TRIT1: variants seen among roughly 807,000 people sequenced by gnomAD.
TRIT1 encodes the protein tRNA isopentenyltransferase 1, also known as tRNA dimethylallyltransferase.
TRIT1 carries 43 observed loss-of-function variants against 51.2 expected under a neutral mutation model. That is an observed-to-expected ratio of 0.84 (90% CI 0.66 to 1.08). TRIT1 has a LOEUF of 1.08. Among genes scored for constraint, TRIT1 ranks in the 50% least tolerant of loss-of-function variants. The pLI is 0.00. For missense variants in TRIT1, 528 were observed against 578.4 expected (o/e 0.91, Z 0.89); for synonymous variants, 184 against 203.9 (o/e 0.90, Z 0.83).
intron 10 of TRIT1, among the ~76,000 whole-genome samples, chr1:39,843,607 C>T (rs182022601): frequency 3.6e-4 from 55 of 152,238 alleles, no homozygotes; most frequent in Non-Finnish European, 7.1e-4. Context: ...TACCACTATG[C>T]CAACAATTAC....
intron 8 of TRIT1, 168 bp downstream of exon 8, chr1:39,847,052 C>A (rs562471570): frequency 3.7e-6 from 2 of 547,244 alleles, no homozygotes; most frequent in South Asian, 6.2e-5. Context: ...TTTGTGACAT[C>A]CCAAGAAAAT....
At chr1:39,872,851 G>A (rs1178356464) in intron 1 of TRIT1, among the ~76,000 whole-genome samples, 1 of 150,474 alleles carries the variant, frequency 6.6e-6, no homozygotes, top group Admixed American at 6.7e-5. Context: ...AAGAAGTGAG[G>A]GAGGGGAAGG....
In TRIT1 at chr1:39,844,595, TC is replaced by T; in HGVS notation, c.1051del (p.Asp351MetfsTer31). 6.2e-7 allele frequency: 1 copy of T among 1,613,990 alleles called. No homozygotes were observed. The highest frequency in any genetic ancestry group is 8.5e-7 in the Non-Finnish European group (1 of 1,179,958). The stretch of plus-strand genomic sequence containing the variant: ...AACAGACTCTTCCCACTTCGAGACA[TC>T]AGATACCTCTAAGCCATAGACAGGG... ...VPPVYGLEVS[D>X]VSKWEESVLE... On this transcript the variant is annotated frameshift_variant, in exon 9 of 11. Coordinates refer to ENST00000316891, the MANE Select transcript of TRIT1 (RefSeq NM_017646.6). LOFTEE classifies it high-confidence loss of function.
intron 4 of TRIT1, among the ~76,000 whole-genome samples, chr1:39,851,701 G>C (rs189984306): frequency 2.6e-5 from 4 of 151,990 alleles, no homozygotes; most frequent in Non-Finnish European, 5.9e-5. Flanking sequence ...CCAGCACTTC[G>C]GTAGGCTGAG....
At chr1:39,878,235 G>C (rs919493926) in intron 1 of TRIT1, among the ~76,000 whole-genome samples, 1 of 152,228 alleles carries the variant, frequency 6.6e-6, no homozygotes, top group Non-Finnish European at 1.5e-5. Context: ...TCAGATGCTA[G>C]ATGGCTACAG....
At chr1:39,879,834 T>C (rs2124691966) in intron 1 of TRIT1, among the ~76,000 whole-genome samples, 1 of 131,866 alleles carries the variant, frequency 7.6e-6, no homozygotes, top group East Asian at 2.2e-4. Context: ...ATGGTGTCAT[T>C]GCACTCCAGC....
At chr1:39,870,545 C>T (rs1161310848) in intron 1 of TRIT1, among the ~76,000 whole-genome samples, 1 of 126,474 alleles carries the variant, frequency 7.9e-6, no homozygotes, top group East Asian at 2.4e-4. Flanking sequence ...AGAAGCTCAA[C>T]ATCATTGGTC....
intron 8 of TRIT1, 23 bp from the exon 9 acceptor site, chr1:39,844,663 G>T: frequency 6.4e-7 from 1 of 1,564,934 alleles, no homozygotes; most frequent in Non-Finnish European, 8.8e-7. Context: ...AAGAAAGGTT[G>T]TGAGAGGTCA....
At chr1:39,877,471 T>G (rs1644108455) in intron 1 of TRIT1, among the ~76,000 whole-genome samples, 1 of 152,118 alleles carries the variant, frequency 6.6e-6, no homozygotes, top group African/African-American at 2.4e-5. Flanking sequence ...CAAAAGGAAC[T>G]GTGCTCCTAT....
intron 6 of TRIT1, 46 bp downstream of exon 6, chr1:39,847,940 T>C (rs757577525): frequency 6.4e-7 from 1 of 1,557,688 alleles, no homozygotes; most frequent in South Asian, 1.1e-5. Context: ...CTTTTGATTG[T>C]CTGCAAAATA....
chr1:39,861,673 C>T (rs1643253571), intron 1 of TRIT1, among the ~76,000 whole-genome samples: 1 of 152,022 alleles, frequency 6.6e-6, no homozygotes, highest in Non-Finnish European at 1.5e-5. Flanking sequence ...CCTATAATCC[C>T]AGCACTTTGG....
intron 1 of TRIT1, among the ~76,000 whole-genome samples, chr1:39,879,366 G>A (rs2124690357): frequency 6.6e-6 from 1 of 152,178 alleles, no homozygotes; most frequent in East Asian, 1.9e-4. Flanking sequence ...CACTGGGGAT[G>A]GAAAGCAGAC....
chr1:39,844,280 T>A, intron 9 of TRIT1, 62 bp from the exon 10 acceptor site: 1 of 1,372,930 alleles, frequency 7.3e-7, no homozygotes, highest in Non-Finnish European at 1.0e-6. Context: ...AATTCTCTAT[T>A]AAGGGAAATG....
intron 1 of TRIT1, 28 bp from the exon 2 acceptor site, chr1:39,857,445 A>C (rs892652096): frequency 6.2e-6 from 10 of 1,605,084 alleles, no homozygotes; most frequent in Admixed American, 1.7e-5. Context: ...AACATGAGAA[A>C]GTCAACCACC....
intron 1 of TRIT1, among the ~76,000 whole-genome samples, chr1:39,859,291 A>ACC (rs1557555964): frequency 7.5e-6 from 1 of 133,092 alleles, no homozygotes; most frequent in African/African-American, 3.0e-5. Flanking sequence ...AAAAAAAAAA[A>ACC]AAAAACGAAA....
chr1:39,883,142 A>C (rs1464007693), intron 1 of TRIT1, among the ~76,000 whole-genome samples, 176 bp downstream of exon 1: 1 of 152,190 alleles, frequency 6.6e-6, no homozygotes, highest in Non-Finnish European at 1.5e-5. Flanking sequence ...GACGATGATA[A>C]GGGAAACATC....
intron 1 of TRIT1, chr1:39,862,658 T>C (rs1643319002): frequency 2.2e-6 from 1 of 457,932 alleles, no homozygotes; most frequent in African/African-American, 2.1e-5. Context: ...ATCAATTTTG[T>C]AAGTATCACA....
At chr1:39,860,155 T>C (rs1445943319) in intron 1 of TRIT1, among the ~76,000 whole-genome samples, 1 of 152,210 alleles carries the variant, frequency 6.6e-6, no homozygotes, top group Non-Finnish European at 1.5e-5. Flanking sequence ...AGAGTATTAA[T>C]GGTTTAAAGA....
chr1:39,852,420 C>A, intron 4 of TRIT1: 1 of 248,720 alleles, frequency 4.0e-6, no homozygotes, highest in Non-Finnish European at 7.6e-6. Context: ...AAACTGCATG[C>A]CAGAAAAAAT....
Sources: gnomAD v4.1 joint callset for allele counts (sites outside exome capture counted in the v4.1 genomes callset) on GRCh38, gnomAD v4.1.1 for gene constraint, MANE v1.5 for transcripts, NCBI Gene and HGNC (gene_info 2026-07-23, HGNC 2026-07-21) for gene names.